VPS26C: variants seen among roughly 807,000 people sequenced by gnomAD.
VPS26C encodes VPS26 endosomal protein sorting factor C.
In VPS26C, 19 loss-of-function variants were observed where a neutral mutation model predicts 30.6. That is an observed-to-expected ratio of 0.62 (90% confidence interval 0.43 to 0.91). The LOEUF (loss-of-function observed/expected upper bound fraction) is 0.91. VPS26C is among the 40% of genes least tolerant of loss of function. The pLI is 0.00. For synonymous variants in VPS26C, 132 were observed against 151.5 expected (o/e 0.87, Z 0.95); for missense variants, 318 against 385.1 (o/e 0.83, Z 1.46).
rs1252842899 is a variant in VPS26C, at chr21:37,228,233, C to T, written c.648G>A (p.Val216=). 6.8e-6 allele frequency: 11 copies of T among 1,612,598 alleles called. No homozygotes were observed. Among genetic ancestry groups the T allele is most frequent in the East Asian group, 2.2e-5 (1 of 44,876 alleles). Residue 216 remains valine, a synonymous_variant, in exon 6 of 8, where the codon GTG becomes GTA. Transcript: ENST00000309117. ...TGGCACGGCCCTCACCGCACGTCTCCACGCGCACCAGCTGCAGCTCCACGC... is the reference window on the plus strand; with the variant it reads ...TGGCACGGCCCTCACCGCACGTCTCTACGCGCACCAGCTGCAGCTCCACGC... ...IRSVELQLVR[V]ETCGCAEGYA...
At chr21:37,236,223 G>A (rs781197336) in intron 3 of VPS26C, among the ~76,000 whole-genome samples, 2 of 152,098 alleles carry the variant, frequency 1.3e-5, no homozygotes, top group East Asian at 1.9e-4. Flanking sequence ...TAAACAGTGC[G>A]GGCCGAGGAG....
Position 37,232,369 on chromosome 21 carries a change from C to T in VPS26C, c.507+8G>A, listed in dbSNP as rs756612465. 6.8e-6 allele frequency: 11 copies of T among 1,613,512 alleles called. No homozygotes were observed. Among genetic ancestry groups the T allele is most frequent in the Middle Eastern group, 3.3e-4 (2 of 6,062 alleles). The stretch of plus-strand genomic sequence containing the variant: ...ACCCACGGCATTCGCCTGTGCAGGA[C>T]GTCTTACCTCTTTGACGTTCTGTAA... On this transcript the variant is annotated splice_region_variant and intron_variant, in intron 5 of 7. Transcript: ENST00000309117.
chr21:37,255,231 T>C (rs1051918231), intron 1 of VPS26C, among the ~76,000 whole-genome samples: 1 of 152,196 alleles, frequency 6.6e-6, no homozygotes, highest in Non-Finnish European at 1.5e-5. Flanking sequence ...TTCCTAATTT[T>C]CCATTGACAG....
At chr21:37,238,960 G>A (rs376007056) in intron 2 of VPS26C, among the ~76,000 whole-genome samples, 18 of 152,334 alleles carry the variant, frequency 1.2e-4, no homozygotes, top group African/African-American at 4.3e-4. Flanking sequence ...CTGGCTAACA[G>A]GGTTGACGTG....
In VPS26C at chr21:37,233,229, A is replaced by G; in HGVS notation, c.432+133T>C. The G allele has an allele frequency of 2.7e-6, 2 of 743,952 alleles. No individual in the cohort carries two copies. The highest frequency in any genetic ancestry group is 2.5e-4 in the Middle Eastern group (1 of 3,982). The allele number at this position is 743,952 out of a possible 1,614,324, so 46.1% of individuals were successfully genotyped here. On this transcript the variant is annotated intron_variant, in intron 4 of 7. Coordinates refer to ENST00000309117, the MANE Select transcript of VPS26C (RefSeq NM_006052.2). The surrounding 1 kb of genome is among the most constrained non-coding windows in gnomAD (Gnocchi z 5.2). ...GCATGCCACCGACTGTCTCTGACCCAGAAGTCTTGTGTCTTCTGCCAGCAC... is the reference window on the plus strand; with the variant it reads ...GCATGCCACCGACTGTCTCTGACCCGGAAGTCTTGTGTCTTCTGCCAGCAC...
intron 1 of VPS26C, among the ~76,000 whole-genome samples, chr21:37,258,630 C>G (rs1305779099): frequency 6.6e-6 from 1 of 152,180 alleles, no homozygotes; most frequent in African/African-American, 2.4e-5. Context: ...GCTGGCGACA[C>G]GGAGTAGACT....
intron 1 of VPS26C, among the ~76,000 whole-genome samples, chr21:37,246,575 G>C (rs1179942513): frequency 6.6e-6 from 1 of 152,098 alleles, no homozygotes; most frequent in Non-Finnish European, 1.5e-5. Flanking sequence ...CCATTTAATT[G>C]TAAGAAGAAG....
At chr21:37,229,864 TTTTA>T (rs2085943572) in intron 5 of VPS26C, among the ~76,000 whole-genome samples, 1 of 152,128 alleles carries the variant, frequency 6.6e-6, no homozygotes, top group Non-Finnish European at 1.5e-5. Flanking sequence ...AAGATGGAGC[TTTTA>T]TTTATTTGTT....
At chr21:37,232,810 T>C (rs1165295221) in intron 4 of VPS26C, among the ~76,000 whole-genome samples, 1 of 152,204 alleles carries the variant, frequency 6.6e-6, no homozygotes, top group African/African-American at 2.4e-5. Flanking sequence ...ATGGTCCCAC[T>C]TCACAGACGA....
chr21:37,252,116 T>C (rs1187304714), intron 1 of VPS26C, among the ~76,000 whole-genome samples: 1 of 152,222 alleles, frequency 6.6e-6, no homozygotes, highest in Non-Finnish European at 1.5e-5. Context: ...GATGCCTTTT[T>C]ATTTACCAAT....
intron 1 of VPS26C, among the ~76,000 whole-genome samples, chr21:37,259,628 A>C (rs960734553): frequency 1.3e-5 from 2 of 152,190 alleles, no homozygotes; most frequent in Non-Finnish European, 2.9e-5. Context: ...TTTGAGTCCA[A>C]CTTTTTGATC....
At chr21:37,260,563 G>C (rs2086293846) in intron 1 of VPS26C, among the ~76,000 whole-genome samples, 4 of 152,166 alleles carry the variant, frequency 2.6e-5, no homozygotes, top group Admixed American at 2.6e-4. Flanking sequence ...CCAAGTGGAA[G>C]GATGCTTAGG....
rs2085987697 is a variant in VPS26C, at chr21:37,233,448, G to C, written c.352-6C>G. On this transcript the variant is annotated splice_polypyrimidine_tract_variant and splice_region_variant and intron_variant, in intron 3 of 7. Coordinates refer to ENST00000309117, the MANE Select transcript of VPS26C (RefSeq NM_006052.2). This position sits in a 1 kb window ranked among gnomAD's most constrained non-coding sequence, Gnocchi z 5.2. ...ATGTCACAGCGCAGTGTATACTAAA[G>C]GGGAGAGTTGGAGGAAAAAAGTTCA... 1.2e-6 allele frequency: 2 copies of C among 1,611,302 alleles called. No homozygotes were observed. Among genetic ancestry groups the C allele is most frequent in the Non-Finnish European group, 1.7e-6 (2 of 1,177,660 alleles).
chr21:37,239,249 G>C (rs2086058320), intron 2 of VPS26C, among the ~76,000 whole-genome samples: 1 of 152,212 alleles, frequency 6.6e-6, no homozygotes, highest in African/African-American at 2.4e-5. Context: ...CCATGACTTA[G>C]GAAGTGAATC....
At chr21:37,227,599 C>T (rs888812619) in intron 7 of VPS26C, 55 bp downstream of exon 7, 17 of 1,592,480 alleles carry the variant, frequency 1.1e-5, no homozygotes, top group Admixed American at 8.4e-5. Context: ...CAGGCCCTGG[C>T]GCTGAGCGGC....
At chr21:37,260,195 C>T (rs1772890765) in intron 1 of VPS26C, among the ~76,000 whole-genome samples, 1 of 152,194 alleles carries the variant, frequency 6.6e-6, no homozygotes, top group African/African-American at 2.4e-5. Flanking sequence ...AAAACGCTAC[C>T]TCTTAACAGT....
rs2085990055 is a variant in VPS26C at position 37,233,645 on chromosome 21, A to G, written c.352-203T>C. 6.6e-6 allele frequency among the ~76,000 whole-genome samples: 1 copy of G among 152,190 alleles called. No individual in the cohort carries two copies. Among genetic ancestry groups the G allele is most frequent in the African/African-American group, 2.4e-5 (1 of 41,444 alleles). On this transcript the variant is annotated intron_variant, in intron 3 of 7. Transcript: ENST00000309117. This position sits in a 1 kb window ranked among gnomAD's most constrained non-coding sequence, Gnocchi z 5.2. ...AAAGGCATTTCTGTTTTAAAAATGA[A>G]CCACTTTAAGGTTATTCTTCAATCT...
intron 1 of VPS26C, among the ~76,000 whole-genome samples, chr21:37,253,833 T>G (rs1324339202): frequency 6.6e-6 from 1 of 152,204 alleles, no homozygotes; most frequent in African/African-American, 2.4e-5. Context: ...CATTTCGGAT[T>G]CTGGATTTTT....
intron 1 of VPS26C, among the ~76,000 whole-genome samples, chr21:37,253,193 G>A (rs1467520254): frequency 1.3e-5 from 2 of 152,180 alleles, no homozygotes; most frequent in African/African-American, 4.8e-5. Context: ...AATTTACATG[G>A]CTTACATACA....
Sources: allele counts gnomAD v4.1 joint callset (sites outside exome capture counted in the v4.1 genomes callset), GRCh38; gene constraint gnomAD v4.1.1; non-coding constraint Gnocchi (gnomAD v3.1); transcripts MANE v1.5; gene names NCBI Gene and HGNC (gene_info 2026-07-23, HGNC 2026-07-21).